Variants in MRPL21 observed in about 807,000 individuals in gnomAD.
The protein encoded by MRPL21 is mitochondrial ribosomal protein L21.
A neutral mutation model predicts 27.3 loss-of-function variants in MRPL21; 20 were observed. That is an observed-to-expected ratio of 0.73 (90% CI 0.52 to 1.06). The LOEUF is 1.06. MRPL21 is among the 50% of genes least tolerant of loss of function. The pLI, the probability that MRPL21 is intolerant of heterozygous loss-of-function variation, is 0.00. For missense variants in MRPL21, 249 were observed against 251.4 expected, an observed-to-expected ratio of 0.99 and a Z score of 0.06; for synonymous variants, 98 against 101.5, an observed-to-expected ratio of 0.97 and a Z score of 0.21.
intron 2 of MRPL21, among the ~76,000 whole-genome samples, chr11:68,899,571 C>T (rs921465008): frequency 6.6e-6 from 1 of 152,162 alleles, no homozygotes; most frequent in African/African-American, 2.4e-5. Context: ...CTCTACAAAA[C>T]GTCTTTGACC....
At chr11:68,894,552 G>C (rs955735911) in intron 4 of MRPL21, among the ~76,000 whole-genome samples, 1 of 152,194 alleles carries the variant, frequency 6.6e-6, no homozygotes, top group African/African-American at 2.4e-5. Flanking sequence ...AAAGTGCTGG[G>C]ATAACAGGCG....
At position 68,892,979 on chromosome 11, in the gene MRPL21, C is replaced by A. The variant is rs371171289; in HGVS notation, c.464G>T (p.Arg155Leu). 6 of 1,596,482 alleles carry A rather than the reference C, an allele frequency of 3.8e-6. No individual in the cohort carries two copies. The South Asian group carries it at 5.7e-5, about 15-fold the overall frequency. The stretch of plus-strand genomic sequence containing the variant: ...CTTTTCAATGACTGTGGCTTCTACT[C>A]GAACAAGATCCTTTCTAGAAGGAAG... ...GKPLLGKDLV[R>L]VEATVIEKTE... Residue 155 changes from arginine to leucine, a missense_variant, in exon 6 of 7, where the codon CGA becomes CTA. Physicochemically the swap from Arg to Leu is moderately radical, Grantham distance 102. Coordinates refer to ENST00000362034, the MANE Select transcript of MRPL21 (RefSeq NM_181514.2).
chr11:68,891,497 G>A, intron 6 of MRPL21, 102 bp from the exon 7 acceptor site: 1 of 1,107,744 alleles, frequency 9.0e-7, no homozygotes, highest in Non-Finnish European at 1.4e-6. Flanking sequence ...CGCGACCCCG[G>A]CAACGTCCCC....
At chr11:68,898,704 A>G (rs1857861516) in intron 2 of MRPL21, among the ~76,000 whole-genome samples, 1 of 152,220 alleles carries the variant, frequency 6.6e-6, no homozygotes, top group African/African-American at 2.4e-5. Context: ...GTCGGGTGTT[A>G]GGAGTGCTCA....
chr11:68,899,054 C>A (rs1219694466), intron 2 of MRPL21, among the ~76,000 whole-genome samples: 1 of 152,144 alleles, frequency 6.6e-6, no homozygotes, highest in African/African-American at 2.4e-5. Context: ...TCCCAAAATT[C>A]TGGGATTACA....
At chr11:68,898,795 C>CT (rs60725210) in intron 2 of MRPL21, among the ~76,000 whole-genome samples, 12 of 149,350 alleles carry the variant, frequency 8.0e-5, no homozygotes, top group South Asian at 2.1e-4. Flanking sequence ...CGGGCAATGC[C>CT]TTTTTTTTTT....
chr11:68,901,021 G>A (rs574270466), intron 1 of MRPL21, among the ~76,000 whole-genome samples: 26 of 152,266 alleles, frequency 1.7e-4, no homozygotes, highest in African/African-American at 5.3e-4. Flanking sequence ...ATGCTAGCAC[G>A]TGGCTTCTGG....
At chr11:68,900,128 C>CT (rs1566417974) in intron 2 of MRPL21, among the ~76,000 whole-genome samples, 1 of 152,196 alleles carries the variant, frequency 6.6e-6, no homozygotes, top group African/African-American at 2.4e-5. Flanking sequence ...ACTGAATGTG[C>CT]TTTTTCAAAT....
intron 1 of MRPL21, among the ~76,000 whole-genome samples, chr11:68,903,208 A>G (rs1049088184): frequency 6.6e-6 from 1 of 152,174 alleles, no homozygotes; most frequent in African/African-American, 2.4e-5. Flanking sequence ...ACACACTCCA[A>G]CCATTTTCAA....
chr11:68,903,670 AG>A, intron 1 of MRPL21, 52 bp downstream of exon 1: 1 of 1,586,906 alleles, frequency 6.3e-7, no homozygotes, highest in Non-Finnish European at 8.6e-7. Context: ...GCGAGACCGC[AG>A]GGAGCAGCGC....
intron 1 of MRPL21, 50 bp downstream of exon 1, chr11:68,903,673 G>C (rs530265167): frequency 6.3e-7 from 1 of 1,593,232 alleles, no homozygotes; most frequent in Non-Finnish European, 8.6e-7. Flanking sequence ...AGACCGCAGG[G>C]AGCAGCGCTC....
intron 3 of MRPL21, chr11:68,896,964 A>C: frequency 2.1e-6 from 1 of 471,662 alleles, no homozygotes; most frequent in Non-Finnish European, 3.9e-6. Context: ...GCCTCATGCA[A>C]CTCCCTCGCC....
At chr11:68,891,487 C>G in intron 6 of MRPL21, 92 bp from the exon 7 acceptor site, 1 of 1,297,710 alleles carries the variant, frequency 7.7e-7, no homozygotes, top group South Asian at 1.2e-5. Context: ...CCCCAGCCAG[C>G]GCGACCCCGG....
intron 1 of MRPL21, among the ~76,000 whole-genome samples, chr11:68,902,070 C>T (rs1272914063): frequency 1.3e-5 from 2 of 152,214 alleles, no homozygotes; most frequent in African/African-American, 2.4e-5. Flanking sequence ...AGTCTCCTTC[C>T]TCTCCCACAG....
chr11:68,896,908 C>T (rs1198322808), intron 3 of MRPL21: 4 of 577,494 alleles, frequency 6.9e-6, no homozygotes, highest in Non-Finnish European at 1.2e-5. Flanking sequence ...GCACATGGGG[C>T]TTTCACAGAA....
intron 3 of MRPL21, 21 bp downstream of exon 3, chr11:68,897,906 T>C (rs1857838752): frequency 6.2e-7 from 1 of 1,601,494 alleles, no homozygotes; most frequent in African/African-American, 1.3e-5. Context: ...CTCTAGCTTC[T>C]GTCTCCCAGG....
chr11:68,896,635 A>G lies in MRPL21; in HGVS notation c.276T>C (p.Tyr92=), dbSNP rs142851966. The G allele has an allele frequency of 1.7e-4, 282 of 1,614,194 alleles. No homozygotes were observed. The highest frequency in any genetic ancestry group is 4.5e-4 in the Admixed American group (27 of 60,026). The change falls in exon 4 of 7, where the codon TAT becomes TAC. Residue 92 remains tyrosine (Y), a synonymous_variant. Coordinates refer to ENST00000362034, the MANE Select transcript of MRPL21 (RefSeq NM_181514.2). ...KVNEMIVTGQ[Y]GRLFAVVHFA... is the part of the protein sequence containing the mutation. ...AGTGCACCACGGCAAAGAGCCTGCC[A>G]TACTGCCCCGTGACGATCATCTCAT...
intron 3 of MRPL21, 60 bp downstream of exon 3, chr11:68,897,867 G>T: frequency 7.6e-7 from 1 of 1,318,176 alleles, no homozygotes; most frequent in Non-Finnish European, 1.1e-6. Context: ...AACCTCTGTG[G>T]CTGACTGGAG....
intron 3 of MRPL21, 59 bp from the exon 4 acceptor site, chr11:68,896,737 G>T (rs1478793828): frequency 3.1e-6 from 5 of 1,598,740 alleles, no homozygotes; most frequent in Non-Finnish European, 4.3e-6. Flanking sequence ...ACGCGCTGCA[G>T]TGTGATGTGC....
Sources: allele counts gnomAD v4.1 joint callset (sites outside exome capture counted in the v4.1 genomes callset), GRCh38; gene constraint gnomAD v4.1.1; transcripts MANE v1.5; gene names NCBI Gene and HGNC (gene_info 2026-07-23, HGNC 2026-07-21).